Variants in ACTR3C observed in about 807,000 individuals in gnomAD.
ACTR3C encodes actin-related protein 3C.
A neutral mutation model predicts 26.3 loss-of-function variants in ACTR3C; 18 were observed. The ratio of observed to expected loss-of-function variants is 0.68; its 90% CI spans 0.47 to 1.01. The LOEUF (loss-of-function observed/expected upper bound fraction) is 1.01. Among genes scored for constraint, ACTR3C ranks in the 50% least tolerant of loss-of-function variants. The probability of loss-of-function intolerance (pLI) is 0.00; values close to 1 mark genes in which losing one functional copy is unlikely to be tolerated. For synonymous variants in ACTR3C, 55 were observed against 94.5 expected, an observed-to-expected ratio of 0.58 and a Z score of 2.42; for missense variants, 184 against 250.7, an observed-to-expected ratio of 0.73 and a Z score of 1.80.
chr7:150,204,136 G>A, the ACTR3C span, among the ~76,000 whole-genome samples: 1 of 149,280 alleles, frequency 6.7e-6, no homozygotes, highest in African/African-American at 2.5e-5. Context: ...AGCCAAAGGA[G>A]AAGGTGTCAC....
At chr7:149,947,001 G>A in the ACTR3C span, among the ~76,000 whole-genome samples, 22 of 151,434 alleles carry the variant, frequency 1.5e-4, no homozygotes, top group East Asian at 3.9e-3. Context: ...GAACTTTCCC[G>A]GTGGTCTGAG....
the ACTR3C span, among the ~76,000 whole-genome samples, chr7:149,899,020 CAAGT>C: frequency 6.6e-6 from 1 of 152,052 alleles, no homozygotes; most frequent in Non-Finnish European, 1.5e-5. Flanking sequence ...AGCTCCTCCC[CAAGT>C]GAGTGTCAAC....
At chr7:150,138,281 G>A in the ACTR3C span, among the ~76,000 whole-genome samples, 1 of 152,140 alleles carries the variant, frequency 6.6e-6, no homozygotes, top group Non-Finnish European at 1.5e-5. Flanking sequence ...CACAAAAGAC[G>A]AGAACTTGAA....
chr7:150,284,816 G>A lies in ACTR3C; in HGVS notation c.501C>T (p.Ile167=), dbSNP rs1388665284. Reference sequence around the variant, plus strand: ...GTATTACTTCATCAACAACATCTGAGATGGACTCCATAGAGTCTGGGTTGG... The same window carrying A: ...GTATTACTTCATCAACAACATCTGAAATGGACTCCATAGAGTCTGGGTTGG... The part of the protein sequence containing the change: ...EFANPDSMES[I]SDVVDEVIQN... Residue 167 remains isoleucine, a synonymous_variant, in exon 6 of 8, where the codon ATC becomes ATT. Coordinates refer to ENST00000683684, the MANE Select transcript of ACTR3C (RefSeq NM_001164458.2). 2 of 1,613,156 alleles carry A rather than the reference G, an allele frequency of 1.2e-6. No individual in the cohort carries two copies. Among genetic ancestry groups the A allele is most frequent in the Non-Finnish European group, 1.7e-6 (2 of 1,179,532 alleles).
At chr7:150,215,903 A>G in the ACTR3C span, among the ~76,000 whole-genome samples, 1 of 152,254 alleles carries the variant, frequency 6.6e-6, no homozygotes, top group African/African-American at 2.4e-5. Flanking sequence ...TGTAATCTGT[A>G]TATTGTGTAA....
chr7:149,925,773 A>C, the ACTR3C span, among the ~76,000 whole-genome samples: 1 of 152,056 alleles, frequency 6.6e-6, no homozygotes, highest in African/African-American at 2.4e-5. Context: ...AAGAAAAAAA[A>C]CCTACCAGCT....
At chr7:149,973,802 C>T in the ACTR3C span, among the ~76,000 whole-genome samples, 142 of 150,064 alleles carry the variant, frequency 9.5e-4, no homozygotes, top group African/African-American at 3.1e-3. Context: ...TCTGATTTTT[C>T]GGACAGAAAA....
chr7:149,910,886 T>A, the ACTR3C span, among the ~76,000 whole-genome samples: 3 of 150,108 alleles, frequency 2.0e-5, no homozygotes, highest in South Asian at 6.2e-4. Flanking sequence ...CACACATTGC[T>A]GCTCAACTTC....
intron 3 of ACTR3C, among the ~76,000 whole-genome samples, chr7:150,291,018 A>G (rs10226892): frequency 0.18 from 27,874 of 152,108 alleles, 3,484 homozygotes; most frequent in African/African-American, 0.34. Flanking sequence ...TTAAATTAAT[A>G]CGCAAAATAT....
At chr7:150,181,425 G>A in the ACTR3C span, among the ~76,000 whole-genome samples, 16 of 150,612 alleles carry the variant, frequency 1.1e-4, 1 homozygote, top group South Asian at 4.1e-4. Flanking sequence ...TCTAAAAAGG[G>A]AAAAAGGAAA....
chr7:150,041,509 G>T, the ACTR3C span: 1,915 of 211,094 alleles, frequency 9.1e-3, 54 homozygotes, highest in African/African-American at 0.02. Context: ...CCTAAGCCAG[G>T]GGGGGAAGAG....
At chr7:150,297,030 C>T (rs1353586161) in intron 1 of ACTR3C, among the ~76,000 whole-genome samples, 2 of 152,222 alleles carry the variant, frequency 1.3e-5, no homozygotes, top group Non-Finnish European at 2.9e-5. Flanking sequence ...TTTAAGCCAC[C>T]CAACCTGTGG....
At chr7:150,219,046 C>G in the ACTR3C span, among the ~76,000 whole-genome samples, 10,703 of 151,770 alleles carry the variant, frequency 0.071, 1,229 homozygotes, top group African/African-American at 0.25. Context: ...CTTGATATTA[C>G]TTACTCAGTT....
At chr7:150,002,263 CTCT>C in the ACTR3C span, 7 of 152,242 alleles carry the variant, frequency 4.6e-5, no homozygotes, top group African/African-American at 1.7e-4. Context: ...CTAGCCATGC[CTCT>C]TCTTCACAAC....
the ACTR3C span, among the ~76,000 whole-genome samples, chr7:150,198,001 T>TGC: frequency 1.3e-4 from 20 of 150,450 alleles, no homozygotes; most frequent in Non-Finnish European, 2.8e-4. Context: ...ATTGCAGGCA[T>TGC]GCGCCGCCAC....
At chr7:150,112,257 C>T in the ACTR3C span, among the ~76,000 whole-genome samples, 1 of 152,044 alleles carries the variant, frequency 6.6e-6, no homozygotes, top group African/African-American at 2.4e-5. Context: ...CTTCCTGGCC[C>T]CTCTCCCTCA....
At chr7:150,155,150 A>C in the ACTR3C span, among the ~76,000 whole-genome samples, 50 of 152,182 alleles carry the variant, frequency 3.3e-4, no homozygotes, top group African/African-American at 1.1e-3. Context: ...ATGAAAGAGG[A>C]GAAAAAAGTG....
chr7:150,129,265 G>T, the ACTR3C span, among the ~76,000 whole-genome samples: 34 of 152,042 alleles, frequency 2.2e-4, 2 homozygotes, highest in South Asian at 8.3e-4. Context: ...ATATCTACGA[G>T]AAACCAACAA....
At chr7:150,037,226 G>C in the ACTR3C span, among the ~76,000 whole-genome samples, 1 of 48,674 alleles carries the variant, frequency 2.1e-5, no homozygotes, top group African/African-American at 8.5e-5. Context: ...CCCACGTAAG[G>C]TACCTGCCGT....
Sources: allele counts gnomAD v4.1 joint callset (sites outside exome capture counted in the v4.1 genomes callset), GRCh38; gene constraint gnomAD v4.1.1; transcripts MANE v1.5; gene names NCBI Gene and HGNC (gene_info 2026-07-23, HGNC 2026-07-21).